CRHBP: variants seen among roughly 807,000 people sequenced by gnomAD.
CRHBP encodes the protein corticotropin releasing hormone binding protein.
CRHBP carries 19 observed loss-of-function variants against 34.9 expected under a neutral mutation model. The ratio of observed to expected loss-of-function variants is 0.55; its 90% CI spans 0.38 to 0.80. The LOEUF is 0.80. Among genes scored for constraint, CRHBP ranks in the 30% least tolerant of loss-of-function variants. The probability of loss-of-function intolerance (pLI) is 0.00; values close to 1 mark genes in which losing one functional copy is unlikely to be tolerated. For missense variants in CRHBP, 328 were observed against 409.2 expected, an observed-to-expected ratio of 0.80 and a Z score of 1.71; for synonymous variants, 154 against 153.4, an observed-to-expected ratio of 1.00 and a Z score of -0.03.
At chr5:76,976,112 C>G (rs183814032) in intron 2 of CRHBP, among the ~76,000 whole-genome samples, 64 of 151,430 alleles carry the variant, frequency 4.2e-4, no homozygotes, top group African/African-American at 1.5e-3. Context: ...AGATGCTGGC[C>G]CCTACCCACC....
At chr5:76,954,477 C>T (rs1367319983) in intron 3 of CRHBP, among the ~76,000 whole-genome samples, 2 of 151,022 alleles carry the variant, frequency 1.3e-5, no homozygotes, top group Non-Finnish European at 3.0e-5. Context: ...GCCCTAGGAA[C>T]TTCTAAAGAC....
At chr5:76,958,671 C>T (rs940344018) in intron 4 of CRHBP, 70 bp from the exon 5 acceptor site, 2 of 1,521,936 alleles carry the variant, frequency 1.3e-6, no homozygotes, top group Non-Finnish European at 1.8e-6. Context: ...GAATAAGATA[C>T]AATAAATGTC....
rs138437757 is a variant in CRHBP, at chr5:76,980,584, C to T, written n.468-377C>T. ...GAATATTTGGTCAACTTGGCGATGC[C>T]ATAGAACGAAGACATTTAGTCAAAC... On this transcript the variant is annotated intron_variant and non_coding_transcript_variant, in intron 3 of 3. Coordinates refer to the CRHBP transcript ENST00000514258. Among the ~76,000 whole-genome samples the T allele has an allele frequency of 3.8e-3, 575 of 152,280 alleles. 9 individuals carry two copies. Among genetic ancestry groups the T allele is most frequent in the African/African-American group, 0.013 (549 of 41,546 alleles).
chr5:76,964,720 G>A (rs1377919359), intron 6 of CRHBP, among the ~76,000 whole-genome samples: 1 of 152,106 alleles, frequency 6.6e-6, no homozygotes, highest in Non-Finnish European at 1.5e-5. Context: ...GCCAGGCATC[G>A]TGGTGCACAC....
chr5:76,966,929 G>C (rs1049264181), intron 6 of CRHBP, among the ~76,000 whole-genome samples: 3 of 152,192 alleles, frequency 2.0e-5, no homozygotes, highest in Non-Finnish European at 4.4e-5. Context: ...GAAAAAGAAT[G>C]ACCTCCAAAC....
At chr5:76,953,793 T>C (rs1745616254) in intron 2 of CRHBP, 99 bp downstream of exon 2, 2 of 1,332,966 alleles carry the variant, frequency 1.5e-6, no homozygotes, top group African/African-American at 2.9e-5. Flanking sequence ...GGGAAGGGGC[T>C]GGCCGGAACC....
intron 6 of CRHBP, among the ~76,000 whole-genome samples, chr5:76,964,169 A>G (rs1471757333): frequency 3.3e-5 from 5 of 152,186 alleles, no homozygotes; most frequent in African/African-American, 9.7e-5. Flanking sequence ...AGATAACTCA[A>G]TGAAGTCTCG....
chr5:76,975,380 T>C (rs1159906811), intron 2 of CRHBP, among the ~76,000 whole-genome samples: 2 of 152,178 alleles, frequency 1.3e-5, no homozygotes, highest in African/African-American at 4.8e-5. Flanking sequence ...CATATAGTGG[T>C]AACTAGTTAA....
rs548545017 is a variant in CRHBP at position 76,960,765 on chromosome 5, G to T, written c.693+1876G>T. 2.4e-3 allele frequency among the ~76,000 whole-genome samples: 332 copies of T among 137,236 alleles called. 1 individual carries two copies. The highest frequency in any genetic ancestry group is 9.1e-3 in the African/African-American group (319 of 35,024). 90.0% of individuals were successfully genotyped at this position (137,236 alleles called of 152,430 possible). ...ATGTAAGTACTTTTTATTGTTTTTTGTTTTTTGTTTTTTTTTTGAGATGGA... is the reference window on the plus strand; with the variant it reads ...ATGTAAGTACTTTTTATTGTTTTTTTTTTTTTGTTTTTTTTTTGAGATGGA... On this transcript the variant is annotated intron_variant, in intron 5 of 6. Coordinates refer to ENST00000274368, the MANE Select transcript of CRHBP (RefSeq NM_001882.4).
In CRHBP at chr5:76,963,179, C is replaced by A. The variant is rs568357688; in HGVS notation, c.694-164C>A. The stretch of plus-strand genomic sequence containing the variant: ...AAAAGCAATTTTTATGATTTTTTCT[C>A]TTTTAAATGTCTTTTAATTTCCAGA... On this transcript the variant is annotated intron_variant, in intron 5 of 6. Transcript: ENST00000274368. 245 of 592,768 alleles carry A rather than the reference C, an allele frequency of 4.1e-4. No homozygotes were observed. The African/African-American group carries it at 4.3e-3, about 10-fold the overall frequency. 36.7% of individuals were successfully genotyped at this position (592,768 alleles called of 1,614,324 possible). A position where few individuals can be genotyped will look rare whatever the true frequency, so the allele number is the denominator to read the frequency against.
downstream of CRHBP, among the ~76,000 whole-genome samples, chr5:76,973,202 T>C (rs1310566219): frequency 2.0e-5 from 3 of 152,206 alleles, no homozygotes; most frequent in African/African-American, 7.2e-5. Context: ...CTAAATCCAA[T>C]TCTTAGCTAT....
At chr5:76,962,580 A>G (rs1366583663) in intron 5 of CRHBP, among the ~76,000 whole-genome samples, 1 of 151,462 alleles carries the variant, frequency 6.6e-6, no homozygotes, top group Non-Finnish European at 1.5e-5. Context: ...GGAGTTCAAG[A>G]CCGGCCTGGG....
chr5:76,975,335 A>G (rs1317725718), intron 2 of CRHBP, among the ~76,000 whole-genome samples: 1 of 152,212 alleles, frequency 6.6e-6, no homozygotes, highest in African/African-American at 2.4e-5. Flanking sequence ...TAAGCAAGTA[A>G]TTCATTAGTA....
chr5:76,975,834 A>C (rs140287946), intron 2 of CRHBP, among the ~76,000 whole-genome samples: 3,273 of 100,984 alleles, frequency 0.032, 116 homozygotes, highest in Middle Eastern at 0.045. Flanking sequence ...AAATATATAT[A>C]TATATATATA....
At chr5:76,966,306 C>G (rs1745860141) in intron 6 of CRHBP, among the ~76,000 whole-genome samples, 1 of 152,218 alleles carries the variant, frequency 6.6e-6, no homozygotes, top group Admixed American at 6.5e-5. Flanking sequence ...GTGTGAGCCA[C>G]TGCTCCTTTT....
chr5:76,971,176 ACT>A (rs1022539421), downstream of CRHBP, among the ~76,000 whole-genome samples: 2 of 152,102 alleles, frequency 1.3e-5, no homozygotes, highest in African/African-American at 4.8e-5. Context: ...AAGGTCATTG[ACT>A]CTGCAGCCAA....
At chr5:76,971,574 C>T (rs1300098070), downstream of CRHBP, among the ~76,000 whole-genome samples, 1 of 152,106 alleles carries the variant, frequency 6.6e-6, no homozygotes, top group Non-Finnish European at 1.5e-5. Flanking sequence ...GCATAGTAAC[C>T]CCAGCCCTAA....
chr5:76,968,160 GTT>G (rs146432736), intron 6 of CRHBP, among the ~76,000 whole-genome samples: 3,598 of 150,172 alleles, frequency 0.024, 134 homozygotes, highest in African/African-American at 0.082. Context: ...GTATAAAACA[GTT>G]TTTGTATAAA....
chr5:76,975,007 T>C (rs1746003351), intron 2 of CRHBP, among the ~76,000 whole-genome samples: 1 of 152,226 alleles, frequency 6.6e-6, no homozygotes, highest in African/African-American at 2.4e-5. Flanking sequence ...GGGAAAGATT[T>C]CATGTCAACA....
Sources: gnomAD v4.1 joint callset for allele counts (sites outside exome capture counted in the v4.1 genomes callset) on GRCh38, gnomAD v4.1.1 for gene constraint, MANE v1.5 for transcripts, NCBI Gene and HGNC (gene_info 2026-07-23, HGNC 2026-07-21) for gene names.